FRAS1: variants seen among roughly 807,000 people sequenced by gnomAD.
FRAS1 encodes extracellular matrix organizing protein FRAS1.
In FRAS1, 290 loss-of-function variants were observed where a neutral mutation model predicts 435.2. That is an observed-to-expected ratio of 0.67 (90% confidence interval 0.61 to 0.73). The LOEUF (loss-of-function observed/expected upper bound fraction) is 0.73, where lower values mean the gene tolerates loss of function less well. Ranked by LOEUF, FRAS1 falls within the 30% of genes least tolerant of loss-of-function variation. FRAS1 has a pLI of 0.00. For synonymous variants in FRAS1, 1,800 were observed against 1,851.0 expected (o/e 0.97, Z 0.71); for missense variants, 4,860 against 5,001.5 (o/e 0.97, Z 0.85).
rs140114421 is a variant in FRAS1, at chr4:78,406,924, G to A, written c.4130-739G>A. Among the ~76,000 whole-genome samples the A allele has an allele frequency of 1.1e-3, 171 of 152,294 alleles. 1 individual carries two copies. The highest frequency in any genetic ancestry group is 3.9e-3 in the African/African-American group (160 of 41,558). On this transcript the variant is annotated intron_variant, in intron 30 of 73. Transcript: ENST00000512123. Reference sequence around the variant, plus strand: ...ATAACGTTGAAAGCACTGACATGATGCCACAAGTGGAAAATTCTACCCTGA... The same window carrying A: ...ATAACGTTGAAAGCACTGACATGATACCACAAGTGGAAAATTCTACCCTGA...
intron 50 of FRAS1, among the ~76,000 whole-genome samples, chr4:78,466,881 T>TAAGATAAGGATAAGCATAAGAAA (rs1719548724): frequency 6.6e-6 from 1 of 152,210 alleles, no homozygotes; most frequent in Non-Finnish European, 1.5e-5. Flanking sequence ...GAAATAGCAG[T>TAAGATAAGGATAAGCATAAGAAA]GGATAAGAGT....
intron 2 of FRAS1, among the ~76,000 whole-genome samples, chr4:78,186,394 GA>G (rs1722270029): frequency 6.6e-6 from 1 of 152,100 alleles, no homozygotes; most frequent in Non-Finnish European, 1.5e-5. Context: ...ATATTTTGCT[GA>G]AGTACTCTAT....
At chr4:78,343,364 G>A (rs890347937) in intron 20 of FRAS1, among the ~76,000 whole-genome samples, 5 of 151,966 alleles carry the variant, frequency 3.3e-5, no homozygotes, top group African/African-American at 1.2e-4. Context: ...ACCCCATAAA[G>A]GTAAAAGAAA....
At chr4:78,133,839 CG>C (rs1306854494) in intron 2 of FRAS1, among the ~76,000 whole-genome samples, 8 of 152,036 alleles carry the variant, frequency 5.3e-5, no homozygotes, top group African/African-American at 1.9e-4. Context: ...AAAGGAATCA[CG>C]GGCTTTGAAA....
chr4:78,133,966 G>T (rs10552112), intron 2 of FRAS1, among the ~76,000 whole-genome samples: 6,026 of 93,546 alleles, frequency 0.064, 348 homozygotes, highest in African/African-American at 0.17. Context: ...TTTTTTTTTT[G>T]TTTTTTTTTT....
intron 47 of FRAS1, among the ~76,000 whole-genome samples, chr4:78,460,158 C>A (rs1361417020): frequency 1.3e-5 from 2 of 152,174 alleles, no homozygotes; most frequent in South Asian, 4.1e-4. Flanking sequence ...AGCTGGGCTG[C>A]AAGTGGGAGG....
chr4:78,244,169 G>A (rs1578203356), intron 3 of FRAS1, among the ~76,000 whole-genome samples: 1 of 151,938 alleles, frequency 6.6e-6, no homozygotes, highest in Non-Finnish European at 1.5e-5. Flanking sequence ...ATCCACTCTT[G>A]TAGATATATG....
At chr4:78,197,390 A>T (rs1486633475) in intron 2 of FRAS1, among the ~76,000 whole-genome samples, 1 of 152,244 alleles carries the variant, frequency 6.6e-6, no homozygotes, top group East Asian at 1.9e-4. Context: ...TGACTGGCAT[A>T]CAATAAGATG....
At chr4:78,182,319 G>A (rs946240919) in intron 2 of FRAS1, among the ~76,000 whole-genome samples, 2 of 152,214 alleles carry the variant, frequency 1.3e-5, no homozygotes, top group Admixed American at 6.5e-5. Context: ...GGGAGCACCT[G>A]GGGGCCTGGA....
At chr4:78,273,454 C>A (rs1005250102) in intron 9 of FRAS1, among the ~76,000 whole-genome samples, 1 of 152,112 alleles carries the variant, frequency 6.6e-6, no homozygotes. Context: ...GTGGGTTTCT[C>A]GTAAATAGCT....
At chr4:78,127,630 C>A (rs1326274732) in intron 2 of FRAS1, among the ~76,000 whole-genome samples, 1 of 138,960 alleles carries the variant, frequency 7.2e-6, no homozygotes, top group Non-Finnish European at 1.6e-5. Context: ...ATAGTGATAC[C>A]ATTTACAAAC....
intron 2 of FRAS1, among the ~76,000 whole-genome samples, chr4:78,137,825 A>G (rs1578147462): frequency 6.6e-6 from 1 of 152,214 alleles, no homozygotes. Flanking sequence ...AAGGCTCTCT[A>G]TGCTTCTGAA....
chr4:78,123,282 G>A (rs1560535752), intron 2 of FRAS1, among the ~76,000 whole-genome samples: 2 of 152,142 alleles, frequency 1.3e-5, no homozygotes, highest in Non-Finnish European at 2.9e-5. Context: ...AGATCAGATG[G>A]TGGTAGATGT....
chr4:78,230,805 TAAA>T (rs1188118056), intron 2 of FRAS1, among the ~76,000 whole-genome samples: 8 of 152,256 alleles, frequency 5.3e-5, no homozygotes, highest in African/African-American at 1.9e-4. Context: ...GAAATTTAGA[TAAA>T]TTGCTACTGT....
intron 18 of FRAS1, among the ~76,000 whole-genome samples, chr4:78,322,991 G>A (rs1177190721): frequency 1.3e-5 from 2 of 152,210 alleles, no homozygotes; most frequent in African/African-American, 4.8e-5. Flanking sequence ...GCTGGTCTGT[G>A]CCCAGAAGCC....
intron 26 of FRAS1, among the ~76,000 whole-genome samples, chr4:78,377,303 T>A (rs1731808783): frequency 6.6e-6 from 1 of 152,216 alleles, no homozygotes; most frequent in African/African-American, 2.4e-5. Context: ...ATTTTTGGCT[T>A]ATTTTTGGGG....
Position 78,448,262 on chromosome 4 carries a change from C to T in FRAS1, c.6220C>T (p.Pro2074Ser). 1 of 1,612,614 alleles carries T rather than the reference C, an allele frequency of 6.2e-7. No individual in the cohort carries two copies. Among genetic ancestry groups the T allele is most frequent in the Non-Finnish European group, 8.5e-7 (1 of 1,179,616 alleles). The change falls in exon 44 of 74, where the codon CCT (proline) becomes TCT (serine). Residue 2074 changes from proline to serine, a missense_variant. Physicochemically the swap from Pro to Ser is moderately conservative, Grantham distance 74. Coordinates refer to ENST00000512123, the MANE Select transcript of FRAS1 (RefSeq NM_025074.7). ...TGRMKIYTELPASDTPHLAIN... is the reference protein window; with the variant it reads ...TGRMKIYTELSASDTPHLAIN... The stretch of plus-strand genomic sequence containing the variant: ...GAGGATGAAGATCTACACAGAACTG[C>T]CTGCAAGTGACACACCTCACTTGGC...
intron 2 of FRAS1, among the ~76,000 whole-genome samples, chr4:78,179,805 C>T (rs1045051290): frequency 3.3e-5 from 5 of 152,034 alleles, no homozygotes; most frequent in African/African-American, 1.2e-4. Flanking sequence ...TAGGAGCTAC[C>T]CAGGGCATAG....
chr4:78,381,113 G>A (rs916584942), intron 27 of FRAS1, among the ~76,000 whole-genome samples: 5 of 152,034 alleles, frequency 3.3e-5, no homozygotes, highest in Non-Finnish European at 5.9e-5. Flanking sequence ...ATTCCACAAT[G>A]CATGCCTTTA....
Sources: gnomAD v4.1 joint callset for allele counts (sites outside exome capture counted in the v4.1 genomes callset) on GRCh38, gnomAD v4.1.1 for gene constraint, MANE v1.5 for transcripts, NCBI Gene and HGNC (gene_info 2026-07-23, HGNC 2026-07-21) for gene names.